ADARB2: variants seen among roughly 807,000 people sequenced by gnomAD.
ADARB2 encodes adenosine deaminase RNA specific B2 (inactive).
A neutral mutation model predicts 62.2 loss-of-function variants in ADARB2; 25 were observed. That is an observed-to-expected ratio of 0.40 (90% CI 0.29 to 0.56). The LOEUF (loss-of-function observed/expected upper bound fraction) is 0.56, where lower values mean the gene tolerates loss of function less well. Among genes scored for constraint, ADARB2 ranks in the 20% least tolerant of loss-of-function variants. The pLI is 0.43. For synonymous variants in ADARB2, 572 were observed against 500.8 expected (o/e 1.14, Z -1.90); for missense variants, 1,071 against 1,077.4 (o/e 0.99, Z 0.08).
In ADARB2 at chr10:1,363,097, C is replaced by A; in HGVS notation, c.1008G>T (p.Leu336=). The A allele has an allele frequency of 6.6e-7, 1 of 1,517,334 alleles. No homozygotes were observed. The highest frequency in any genetic ancestry group is 8.8e-7 in the Non-Finnish European group (1 of 1,140,894). The allele number at this position is 1,517,334 out of a possible 1,614,324, so 94.0% of individuals were successfully genotyped here. The change falls in exon 3 of 10, where the codon CTG becomes CTT. Residue 336 remains leucine (L), a synonymous_variant. Transcript: ENST00000381312. ...GCATCTGGATGTCGAACAGCTCCTGCAGTGCGGCCTGCGCGGCCTGACCCC... is the reference window on the plus strand; with the variant it reads ...GCATCTGGATGTCGAACAGCTCCTGAAGTGCGGCCTGCGCGGCCTGACCCC... ...LARGQAAQAA[L]QELFDIQMPG... is the part of the protein sequence containing the mutation.
At chr10:1,424,833 C>T (rs563999942) in intron 1 of ADARB2, among the ~76,000 whole-genome samples, 6 of 152,164 alleles carry the variant, frequency 3.9e-5, no homozygotes, top group South Asian at 4.2e-4. Flanking sequence ...TTGGTTGCCC[C>T]GAGATGTTTG....
rs61599408 is a variant in ADARB2 at position 1,203,324 on chromosome 10, A to G, written c.1683-3177T>C. Among the ~76,000 whole-genome samples the G allele has an allele frequency of 2.4e-3, 366 of 152,256 alleles. 1 individual carries two copies. The highest frequency in any genetic ancestry group is 7.9e-3 in the African/African-American group (330 of 41,564). ...TCCAGGCTGCAGCCTCCAGGCCACAATGGAAGGAAAGACAGGTCTCCGGTG... is the reference window on the plus strand; with the variant it reads ...TCCAGGCTGCAGCCTCCAGGCCACAGTGGAAGGAAAGACAGGTCTCCGGTG... On this transcript the variant is annotated intron_variant, in intron 7 of 9. Coordinates refer to ENST00000381312, the MANE Select transcript of ADARB2 (RefSeq NM_018702.4).
At chr10:1,400,545 G>A (rs1201125940) in intron 1 of ADARB2, among the ~76,000 whole-genome samples, 1 of 152,106 alleles carries the variant, frequency 6.6e-6, no homozygotes, top group Non-Finnish European at 1.5e-5. Flanking sequence ...GGTAAAATTA[G>A]ATCTAAAACT....
chr10:1,228,447 C>T (rs1830767346), intron 6 of ADARB2, among the ~76,000 whole-genome samples: 1 of 152,236 alleles, frequency 6.6e-6, no homozygotes, highest in Non-Finnish European at 1.5e-5. Flanking sequence ...TCCCAGGCCT[C>T]CCAGGGCCAC....
chr10:1,332,190 G>T (rs903547295), intron 3 of ADARB2, among the ~76,000 whole-genome samples: 1 of 152,180 alleles, frequency 6.6e-6, no homozygotes, highest in African/African-American at 2.4e-5. Context: ...GACTGCCTGA[G>T]CCCAGGAATT....
chr10:1,729,959 C>T (rs1268975393), intron 1 of ADARB2, among the ~76,000 whole-genome samples: 1 of 152,192 alleles, frequency 6.6e-6, no homozygotes, highest in Admixed American at 6.5e-5. Flanking sequence ...ATAAATGGAG[C>T]AGCACAGATT....
chr10:1,594,927 C>T (rs112146025), intron 1 of ADARB2, among the ~76,000 whole-genome samples: 2,600 of 152,240 alleles, frequency 0.017, 72 homozygotes, highest in African/African-American at 0.059. Flanking sequence ...AGCACACAGC[C>T]GCTGAGCGCC....
chr10:1,250,662 C>T (rs1276052747), intron 4 of ADARB2, among the ~76,000 whole-genome samples: 1 of 152,178 alleles, frequency 6.6e-6, no homozygotes, highest in Non-Finnish European at 1.5e-5. Context: ...CCTGCAGAAG[C>T]ATGAGCTAGA....
intron 1 of ADARB2, among the ~76,000 whole-genome samples, chr10:1,680,662 A>G (rs921954144): frequency 1.1e-4 from 17 of 152,324 alleles, no homozygotes; most frequent in African/African-American, 3.4e-4. Flanking sequence ...TATTAGAGAA[A>G]GGCTCATCTG....
intron 1 of ADARB2, among the ~76,000 whole-genome samples, chr10:1,559,245 G>A (rs1021377748): frequency 6.6e-6 from 1 of 152,240 alleles, no homozygotes; most frequent in African/African-American, 2.4e-5. Flanking sequence ...AGAGGAAAGA[G>A]GGCTGAACAG....
chr10:1,655,290 C>G (rs1050917296), intron 1 of ADARB2, among the ~76,000 whole-genome samples: 15 of 152,180 alleles, frequency 9.9e-5, no homozygotes, highest in African/African-American at 3.4e-4. Context: ...CTGTGGAAAG[C>G]GGGTGCCCAC....
intron 1 of ADARB2, among the ~76,000 whole-genome samples, chr10:1,481,719 TGGGGGC>T (rs1252101526): frequency 6.6e-6 from 1 of 151,924 alleles, no homozygotes; most frequent in Non-Finnish European, 1.5e-5. Context: ...TAGCTGGGTA[TGGGGGC>T]GGGTGCCTGT....
chr10:1,430,125 G>A (rs963608790), intron 1 of ADARB2, among the ~76,000 whole-genome samples: 3 of 152,182 alleles, frequency 2.0e-5, no homozygotes, highest in African/African-American at 7.2e-5. Context: ...AGAACTAAGT[G>A]AAAGTGAACT....
chr10:1,575,418 G>T (rs1370556714), intron 1 of ADARB2, among the ~76,000 whole-genome samples: 2 of 152,212 alleles, frequency 1.3e-5, no homozygotes, highest in Admixed American at 1.3e-4. Context: ...GGTGGTGATC[G>T]TGGAGAATAA....
chr10:1,302,206 C>A (rs905114185), intron 3 of ADARB2, among the ~76,000 whole-genome samples: 3 of 152,210 alleles, frequency 2.0e-5, no homozygotes, highest in Non-Finnish European at 4.4e-5. Flanking sequence ...CGAGGCATTG[C>A]CTCACTTGGG....
At chr10:1,473,120 G>C (rs1052523263) in intron 1 of ADARB2, among the ~76,000 whole-genome samples, 2 of 152,162 alleles carry the variant, frequency 1.3e-5, no homozygotes, top group Non-Finnish European at 2.9e-5. Flanking sequence ...CCAAGTCACA[G>C]GTCAAACCAC....
At chr10:1,724,345 C>T (rs1835135890) in intron 1 of ADARB2, among the ~76,000 whole-genome samples, 1 of 152,192 alleles carries the variant, frequency 6.6e-6, no homozygotes, top group South Asian at 2.1e-4. Context: ...TATCTGTGTC[C>T]TGGTGGTGTC....
chr10:1,325,880 A>AT (rs1270912467), intron 3 of ADARB2, among the ~76,000 whole-genome samples: 1 of 152,214 alleles, frequency 6.6e-6, no homozygotes, highest in Non-Finnish European at 1.5e-5. Context: ...CTGGAGGTGA[A>AT]TTAATCATCC....
intron 8 of ADARB2, among the ~76,000 whole-genome samples, chr10:1,195,495 T>C (rs1448348892): frequency 6.6e-6 from 1 of 150,698 alleles, no homozygotes; most frequent in African/African-American, 2.4e-5. Flanking sequence ...TTTGCAGGCC[T>C]GGGTGGGAGA....
Sources: allele counts gnomAD v4.1 joint callset (sites outside exome capture counted in the v4.1 genomes callset), GRCh38; gene constraint gnomAD v4.1.1; transcripts MANE v1.5; gene names NCBI Gene and HGNC (gene_info 2026-07-23, HGNC 2026-07-21).